Variants in ARID5B observed in about 807,000 individuals in gnomAD.
ARID5B encodes AT-rich interactive domain-containing protein 5B.
ARID5B carries 13 observed loss-of-function variants against 97.2 expected under a neutral mutation model. That is an observed-to-expected ratio of 0.13 (90% CI 0.09 to 0.21). The LOEUF (loss-of-function observed/expected upper bound fraction) is 0.21, where lower values mean the gene tolerates loss of function less well. ARID5B is among the 10% of genes least tolerant of loss of function. The pLI is 1.00. For missense variants in ARID5B, 1,210 were observed against 1,465.3 expected (o/e 0.83, Z 2.84); for synonymous variants, 556 against 570.3 (o/e 0.97, Z 0.36).
At chr10:62,044,376 T>G (rs1379261809) in intron 4 of ARID5B, among the ~76,000 whole-genome samples, 3 of 468 alleles carry the variant, frequency 6.4e-3, no homozygotes, top group Non-Finnish European at 0.037. Flanking sequence ...TCATTTGCTC[T>G]TTTTTTTTTT....
chr10:61,911,782 G>A (rs912235543), intron 2 of ARID5B, among the ~76,000 whole-genome samples: 10 of 152,160 alleles, frequency 6.6e-5, no homozygotes, highest in South Asian at 4.1e-4. Flanking sequence ...TTGTCTTGCC[G>A]TCATTATTCC....
At chr10:62,047,278 G>T (rs965379963) in intron 4 of ARID5B, among the ~76,000 whole-genome samples, 6 of 152,206 alleles carry the variant, frequency 3.9e-5, no homozygotes, top group South Asian at 2.1e-4. Context: ...CAGAGAAAGT[G>T]CTCAGAAATG....
chr10:61,915,743 G>A (rs1843890582), intron 2 of ARID5B, among the ~76,000 whole-genome samples: 1 of 152,116 alleles, frequency 6.6e-6, no homozygotes, highest in African/African-American at 2.4e-5. Flanking sequence ...ATCTGTCTTT[G>A]TTTGTTTGTT....
In ARID5B at chr10:61,940,386, T is replaced by C. The variant is rs1844378879; in HGVS notation, c.480T>C (p.Val160=). 6.2e-7 allele frequency: 1 copy of C among 1,613,656 alleles called. No homozygotes were observed. The highest frequency in any genetic ancestry group is 1.7e-5 in the Admixed American group (1 of 59,884). ...TLNSGLNFKD[V]LKEKADLGED... ...ACAGTGGACTCAACTTCAAAGACGT[T>C]CTCAAGGAGAAGGCAGACCTGGGTA... The change falls in exon 3 of 10, where the codon GTT becomes GTC. Residue 160 remains valine, a synonymous_variant. Transcript: ENST00000279873.
In ARID5B at chr10:62,091,722, G is replaced by A; in HGVS notation, c.2259G>A (p.Gln753=). The part of the protein sequence containing the change: ...HMAVSRPSVI[Q]HVQSFRSKPS... Reference sequence around the variant, plus strand: ...CGGTCAGCCGGCCATCAGTGATTCAGCACGTCCAGAGTTTCAGAAGCAAGC... The same window carrying A: ...CGGTCAGCCGGCCATCAGTGATTCAACACGTCCAGAGTTTCAGAAGCAAGC... The change falls in exon 10 of 10, where the codon CAG becomes CAA. Residue 753 remains glutamine, a synonymous_variant. Transcript: ENST00000279873. 1 of 1,614,104 alleles carries A rather than the reference G, an allele frequency of 6.2e-7. No homozygotes were observed. Among genetic ancestry groups the A allele is most frequent in the Non-Finnish European group, 8.5e-7 (1 of 1,180,040 alleles).
At chr10:62,034,667 T>C (rs995910537) in intron 4 of ARID5B, among the ~76,000 whole-genome samples, 3 of 152,252 alleles carry the variant, frequency 2.0e-5, no homozygotes, top group Non-Finnish European at 4.4e-5. Context: ...GGGATTATTT[T>C]GCAATCAAGA....
Position 62,054,393 on chromosome 10 carries a change from GA to G in ARID5B, c.847-2713del, listed in dbSNP as rs879929402. Among the ~76,000 whole-genome samples the G allele has an allele frequency of 2.1e-3, 313 of 146,746 alleles. 1 individual carries two copies. Among genetic ancestry groups the G allele is most frequent in the Middle Eastern group, 0.011 (3 of 282 alleles). On this transcript the variant is annotated intron_variant, in intron 5 of 9. Coordinates refer to ENST00000279873, the MANE Select transcript of ARID5B (RefSeq NM_032199.3). ...CCTAAAGAGCTCATTTATCTTAACT[GA>G]AAAAAAAAAATATCAAGCTAGAACA...
At chr10:61,985,236 C>A (rs765519686) in intron 3 of ARID5B, among the ~76,000 whole-genome samples, 1 of 151,394 alleles carries the variant, frequency 6.6e-6, no homozygotes, top group Non-Finnish European at 1.5e-5. Flanking sequence ...AAAGTAATTG[C>A]GGTTTTTGCA....
intron 4 of ARID5B, among the ~76,000 whole-genome samples, chr10:62,042,866 G>C (rs950645548): frequency 2.8e-5 from 4 of 144,156 alleles, no homozygotes; most frequent in Non-Finnish European, 4.5e-5. Flanking sequence ...AGTGAGCCAA[G>C]ATCGCGTCAC....
At chr10:61,914,300 G>A (rs969606112) in intron 2 of ARID5B, among the ~76,000 whole-genome samples, 31 of 152,228 alleles carry the variant, frequency 2.0e-4, no homozygotes, top group Admixed American at 2.0e-3. Context: ...TCAGAAGTGT[G>A]TATCTACTAT....
At chr10:61,942,040 A>C (rs1339072486) in intron 3 of ARID5B, among the ~76,000 whole-genome samples, 2 of 152,206 alleles carry the variant, frequency 1.3e-5, no homozygotes, top group Non-Finnish European at 2.9e-5. Context: ...GTTATGGAAT[A>C]TACTGTTACT....
chr10:61,921,427 C>G (rs1844013301), intron 2 of ARID5B, among the ~76,000 whole-genome samples: 1 of 152,248 alleles, frequency 6.6e-6, no homozygotes, highest in African/African-American at 2.4e-5. Flanking sequence ...GGCTGTTGGA[C>G]TGAGGCCCTC....
intron 3 of ARID5B, among the ~76,000 whole-genome samples, chr10:61,972,884 A>G (rs1233068830): frequency 3.9e-5 from 6 of 152,190 alleles, no homozygotes; most frequent in Non-Finnish European, 8.8e-5. Context: ...AAATCCCTCA[A>G]TGATTGCATT....
intron 2 of ARID5B, among the ~76,000 whole-genome samples, chr10:61,924,658 C>T (rs556105535): frequency 6.6e-6 from 1 of 152,112 alleles, no homozygotes; most frequent in South Asian, 2.1e-4. Context: ...CTACAGAAAA[C>T]AGGAAGATTT....
At chr10:61,902,673 ATGTGTGTGTG>A (rs59459790) in intron 2 of ARID5B, among the ~76,000 whole-genome samples, 2 of 148,338 alleles carry the variant, frequency 1.3e-5, no homozygotes, top group Non-Finnish European at 1.5e-5. Flanking sequence ...TTGTTCAAGG[ATGTGTGTGTG>A]TGTGTGTGTG....
intron 7 of ARID5B, among the ~76,000 whole-genome samples, chr10:62,063,003 T>A (rs1477546398): frequency 6.6e-6 from 1 of 152,178 alleles, no homozygotes; most frequent in Non-Finnish European, 1.5e-5. Context: ...GGCTTTCCAT[T>A]CCTAGCAATC....
rs144585208 is a variant in ARID5B at position 62,055,062 on chromosome 10, A to T, written c.847-2055A>T. 2.9e-3 allele frequency among the ~76,000 whole-genome samples: 437 copies of T among 152,260 alleles called. 6 individuals carry two copies. The highest frequency in any genetic ancestry group is 0.01 in the African/African-American group (423 of 41,536). ...GCTCAATATACAATAGGAGGAATGG[A>T]GCTCCTTGACACATTGGAAACCCCC... On this transcript the variant is annotated intron_variant, in intron 5 of 9. Transcript: ENST00000279873.
chr10:61,965,009 C>T (rs1838522857), intron 3 of ARID5B, among the ~76,000 whole-genome samples: 2 of 152,142 alleles, frequency 1.3e-5, no homozygotes, highest in African/African-American at 4.8e-5. Flanking sequence ...ACTTTTTCTA[C>T]CAGCAAATGC....
In ARID5B at chr10:61,910,097, A is replaced by G. The variant is rs1329377734; in HGVS notation, c.276+7684A>G. On this transcript the variant is annotated intron_variant, in intron 2 of 9. Transcript: ENST00000279873. Reference sequence around the variant, plus strand: ...GTCTTAACTAAGCCACATGTTTGATAGTGCCTCACAATTGTAAGCAATTAA... The same window carrying G: ...GTCTTAACTAAGCCACATGTTTGATGGTGCCTCACAATTGTAAGCAATTAA... 2.0e-5 allele frequency among the ~76,000 whole-genome samples: 3 copies of G among 152,234 alleles called. No homozygotes were observed. In the East Asian group the frequency reaches 5.8e-4, roughly 29 times the overall value.
Sources: allele counts gnomAD v4.1 joint callset (sites outside exome capture counted in the v4.1 genomes callset), GRCh38; gene constraint gnomAD v4.1.1; transcripts MANE v1.5; gene names NCBI Gene and HGNC (gene_info 2026-07-23, HGNC 2026-07-21).